Variants in CDH10 observed in about 807,000 individuals in gnomAD.
CDH10 encodes the protein cadherin-10.
In CDH10, 30 loss-of-function variants were observed where a neutral mutation model predicts 73.1. The observed-to-expected ratio is 0.41, with a 90% CI of 0.31 to 0.56. The LOEUF is 0.56. CDH10 is among the 20% of genes least tolerant of loss of function. The pLI, the probability that CDH10 is intolerant of heterozygous loss-of-function variation, is 0.27. For missense variants in CDH10, 815 were observed against 973.7 expected, an observed-to-expected ratio of 0.84 and a Z score of 2.17; for synonymous variants, 345 against 348.2, an observed-to-expected ratio of 0.99 and a Z score of 0.10.
chr5:24,541,335 G>A (rs765973273), intron 2 of CDH10, among the ~76,000 whole-genome samples: 1 of 151,328 alleles, frequency 6.6e-6, no homozygotes, highest in Non-Finnish European at 1.5e-5. Flanking sequence ...AGTTGTTCTG[G>A]TATTACCACC....
chr5:24,569,045 G>C (rs1745268808), intron 2 of CDH10, among the ~76,000 whole-genome samples: 1 of 151,894 alleles, frequency 6.6e-6, no homozygotes, highest in Non-Finnish European at 1.5e-5. Flanking sequence ...AAGAGGCGGA[G>C]CTTGCATTGA....
chr5:24,492,365 A>T (rs2111646071), intron 10 of CDH10, among the ~76,000 whole-genome samples: 1 of 152,358 alleles, frequency 6.6e-6, no homozygotes, highest in Admixed American at 6.5e-5. Context: ...CCATTGCAAC[A>T]GTACCTTTGT....
At chr5:24,542,169 A>G (rs1744176753) in intron 2 of CDH10, among the ~76,000 whole-genome samples, 1 of 152,164 alleles carries the variant, frequency 6.6e-6, no homozygotes, top group Admixed American at 6.6e-5. Context: ...TATCTAGTTT[A>G]AGACCATTTT....
intron 2 of CDH10, chr5:24,578,204 A>G (rs906787008): frequency 5.9e-6 from 1 of 170,178 alleles, no homozygotes; most frequent in African/African-American, 2.4e-5. Context: ...CATTGTAACC[A>G]AGAAAATGGT....
chr5:24,637,694 C>G (rs1747910972), intron 1 of CDH10, among the ~76,000 whole-genome samples: 3 of 151,600 alleles, frequency 2.0e-5, no homozygotes, highest in South Asian at 4.1e-4. Flanking sequence ...ACAGAAGCTG[C>G]AAAATAAAAA....
intron 1 of CDH10, among the ~76,000 whole-genome samples, chr5:24,637,602 C>A (rs1377635945): frequency 6.6e-6 from 1 of 151,692 alleles, no homozygotes; most frequent in Admixed American, 6.6e-5. Context: ...TAACTTCCCC[C>A]AAAATGAGTG....
intron 4 of CDH10, among the ~76,000 whole-genome samples, 173 bp from the exon 5 acceptor site, chr5:24,535,452 T>G (rs1743917076): frequency 6.6e-6 from 1 of 152,128 alleles, no homozygotes; most frequent in African/African-American, 2.4e-5. Flanking sequence ...TCATTTGTAT[T>G]GTGTTACCCT....
At chr5:24,622,311 A>C (rs1401262065) in intron 1 of CDH10, among the ~76,000 whole-genome samples, 1 of 152,300 alleles carries the variant, frequency 6.6e-6, no homozygotes, top group Non-Finnish European at 1.5e-5. Flanking sequence ...TATGCATGAT[A>C]AATCAAGAAT....
intron 2 of CDH10, among the ~76,000 whole-genome samples, chr5:24,580,091 T>G (rs1745742403): frequency 6.6e-6 from 1 of 152,128 alleles, no homozygotes; most frequent in Admixed American, 6.6e-5. Context: ...ATATAATACT[T>G]GAGAAATTTC....
chr5:24,540,992 T>TA lies in CDH10; in HGVS notation c.232-3319dup, dbSNP rs933900862. Among the ~76,000 whole-genome samples, 80 of 151,070 alleles carry TA rather than the reference T, an allele frequency of 5.3e-4. 1 individual carries two copies. The South Asian group carries it at 0.013, about 24-fold the overall frequency. ...ATGTTTATTGGTAGGGTGATACAAC[T>TA]AAAAAAAAACCTTACACTTCTTATG... On this transcript the variant is annotated intron_variant, in intron 2 of 11. Transcript: ENST00000264463.
At chr5:24,553,474 G>A (rs1744624579) in intron 2 of CDH10, among the ~76,000 whole-genome samples, 1 of 151,850 alleles carries the variant, frequency 6.6e-6, no homozygotes, top group Non-Finnish European at 1.5e-5. Context: ...TAATTTCACT[G>A]TCCCTGACTC....
intron 1 of CDH10, among the ~76,000 whole-genome samples, chr5:24,593,818 T>C (rs984253975): frequency 6.6e-6 from 1 of 151,968 alleles, no homozygotes; most frequent in African/African-American, 2.4e-5. Context: ...TGTAAATGTT[T>C]ATTTCCACCA....
chr5:24,504,051 T>G (rs1165017855), intron 8 of CDH10, among the ~76,000 whole-genome samples: 1 of 152,158 alleles, frequency 6.6e-6, no homozygotes, highest in African/African-American at 2.4e-5. Flanking sequence ...AAGCTCATTT[T>G]TATTAGTTAA....
In CDH10 at chr5:24,635,005, G is replaced by GA. The variant is rs34611268; in HGVS notation, c.-124+9588dup. ...TAACATATAAATAGAGCCAAAAAAG[G>GA]AAAAAAAAAAAACAGAAACAGTGGT... On this transcript the variant is annotated intron_variant, in intron 1 of 11. Transcript: ENST00000264463. 1.6e-3 allele frequency among the ~76,000 whole-genome samples: 239 copies of GA among 145,254 alleles called. 1 individual carries two copies. The highest frequency in any genetic ancestry group is 5.5e-3 in the African/African-American group (220 of 39,658).
chr5:24,636,143 A>G (rs1378632865), intron 1 of CDH10, among the ~76,000 whole-genome samples: 1 of 151,996 alleles, frequency 6.6e-6, no homozygotes, highest in Non-Finnish European at 1.5e-5. Context: ...CCTATTGTGT[A>G]TTAGGCATTG....
intron 9 of CDH10, among the ~76,000 whole-genome samples, chr5:24,498,167 C>G (rs535081979): frequency 6.6e-6 from 1 of 151,950 alleles, no homozygotes; most frequent in Non-Finnish European, 1.5e-5. Context: ...TTTGTGGCAA[C>G]AATAAAATTT....
chr5:24,537,170 A>T (rs1743984785), intron 3 of CDH10, among the ~76,000 whole-genome samples: 2 of 151,874 alleles, frequency 1.3e-5, no homozygotes, highest in Non-Finnish European at 2.9e-5. Context: ...GTCTACCTAT[A>T]TGTATTATAA....
chr5:24,608,534 G>A (rs886976064), intron 1 of CDH10, among the ~76,000 whole-genome samples: 13 of 152,012 alleles, frequency 8.6e-5, no homozygotes, highest in African/African-American at 2.4e-4. Flanking sequence ...CTCATGATCC[G>A]CCCGTCTCGA....
intron 9 of CDH10, among the ~76,000 whole-genome samples, 194 bp downstream of exon 9, chr5:24,498,204 G>A (rs1267854083): frequency 1.3e-5 from 2 of 152,136 alleles, no homozygotes; most frequent in African/African-American, 4.8e-5. Context: ...CTTTACAAAG[G>A]AAATATGAAA....
Sources: gnomAD v4.1 joint callset for allele counts (sites outside exome capture counted in the v4.1 genomes callset) on GRCh38, gnomAD v4.1.1 for gene constraint, MANE v1.5 for transcripts, NCBI Gene and HGNC (gene_info 2026-07-23, HGNC 2026-07-21) for gene names.